ROBO2: variants seen among roughly 807,000 people sequenced by gnomAD.
ROBO2 encodes roundabout homolog 2.
ROBO2 carries 53 observed loss-of-function variants against 160.8 expected under a neutral mutation model. The observed-to-expected ratio is 0.33, with a 90% CI of 0.26 to 0.41. ROBO2 has a LOEUF of 0.41. Among genes scored for constraint, ROBO2 ranks in the 10% least tolerant of loss-of-function variants. ROBO2 has a pLI of 1.00. For missense variants in ROBO2, 1,577 were observed against 1,722.4 expected (o/e 0.92, Z 1.49); for synonymous variants, 664 against 611.7 (o/e 1.09, Z -1.26).
chr3:76,948,710 T>A (rs1269497687), intron 2 of ROBO2, among the ~76,000 whole-genome samples: 3 of 144,862 alleles, frequency 2.1e-5, no homozygotes, highest in Admixed American at 1.4e-4. Context: ...AATTATAATT[T>A]AATTTTTTTT....
At chr3:76,312,874 G>A (rs1046666969) in intron 2 of ROBO2, among the ~76,000 whole-genome samples, 7 of 152,172 alleles carry the variant, frequency 4.6e-5, no homozygotes, top group African/African-American at 1.7e-4. Flanking sequence ...ATTCAGAAAG[G>A]TTTATTTAAA....
intron 2 of ROBO2, among the ~76,000 whole-genome samples, chr3:77,125,215 A>G (rs2075201212): frequency 1.3e-5 from 2 of 152,272 alleles, no homozygotes; most frequent in South Asian, 4.1e-4. Context: ...CATATTAACT[A>G]TAATAGTTGT....
chr3:77,596,791 CTCTCTT>C (rs1559692117), intron 19 of ROBO2, 41 bp downstream of exon 20: 2 of 1,523,336 alleles, frequency 1.3e-6, no homozygotes, highest in Admixed American at 4.1e-5. Flanking sequence ...TGAGTTCTCT[CTCTCTT>C]TTTTTTTTTT....
At chr3:77,403,911 T>C (rs2076041836) in intron 2 of ROBO2, among the ~76,000 whole-genome samples, 2 of 152,010 alleles carry the variant, frequency 1.3e-5, no homozygotes, top group Admixed American at 6.6e-5. Flanking sequence ...CAAGCCTGAA[T>C]TGCTTGGAAT....
intron 2 of ROBO2, among the ~76,000 whole-genome samples, chr3:76,869,570 C>T (rs1316679305): frequency 1.3e-5 from 2 of 151,836 alleles, no homozygotes; most frequent in Admixed American, 6.6e-5. Flanking sequence ...AGGATGGTCT[C>T]GATCTCCTGA....
chr3:76,446,266 A>G (rs1339444106), intron 2 of ROBO2, among the ~76,000 whole-genome samples: 3 of 152,218 alleles, frequency 2.0e-5, no homozygotes, highest in Admixed American at 6.5e-5. Context: ...AGAGAGCCAA[A>G]TCATGGGTGA....
chr3:76,102,472 G>T (rs994133544), intron 2 of ROBO2, among the ~76,000 whole-genome samples: 1 of 152,086 alleles, frequency 6.6e-6, no homozygotes, highest in Admixed American at 6.6e-5. Flanking sequence ...GCTTGGTAGA[G>T]AATTATTATC....
chr3:76,674,446 T>G (rs1221331260), intron 2 of ROBO2, among the ~76,000 whole-genome samples: 1 of 152,048 alleles, frequency 6.6e-6, no homozygotes, highest in African/African-American at 2.4e-5. Flanking sequence ...TCTTCATCAT[T>G]GGCTGTCATG....
At chr3:76,056,464 A>G (rs1011408370) in intron 2 of ROBO2, among the ~76,000 whole-genome samples, 8 of 152,214 alleles carry the variant, frequency 5.3e-5, no homozygotes, top group African/African-American at 1.9e-4. Flanking sequence ...GGTTGTATTT[A>G]ATTTTAACTA....
chr3:77,083,599 C>T (rs1028299238), intron 1 of ROBO2, among the ~76,000 whole-genome samples: 1 of 151,946 alleles, frequency 6.6e-6, no homozygotes, highest in African/African-American at 2.4e-5. Context: ...GAAATTATGT[C>T]GAGAGACACA....
At chr3:76,609,148 T>G (rs1304347920) in intron 2 of ROBO2, among the ~76,000 whole-genome samples, 2 of 152,228 alleles carry the variant, frequency 1.3e-5, no homozygotes, top group Non-Finnish European at 2.9e-5. Context: ...CTTGGCACCT[T>G]TGTTGAAAAT....
chr3:76,266,697 A>T (rs1707120522), intron 2 of ROBO2, among the ~76,000 whole-genome samples: 1 of 152,154 alleles, frequency 6.6e-6, no homozygotes, highest in Non-Finnish European at 1.5e-5. Flanking sequence ...TCTCATTATG[A>T]CAGTGGGGCT....
intron 2 of ROBO2, among the ~76,000 whole-genome samples, chr3:76,336,320 T>C (rs1448218940): frequency 2.6e-5 from 4 of 152,250 alleles, no homozygotes; most frequent in African/African-American, 9.6e-5. Context: ...GACTTAGTCA[T>C]GCTACTCTAG....
At chr3:76,466,740 C>CT (rs943327891) in intron 2 of ROBO2, among the ~76,000 whole-genome samples, 5 of 151,932 alleles carry the variant, frequency 3.3e-5, no homozygotes, top group African/African-American at 1.2e-4. Context: ...ATTGCCAACA[C>CT]TGAATTTTGT....
chr3:77,345,291 G>C (rs1038203562), intron 2 of ROBO2, among the ~76,000 whole-genome samples: 2 of 152,036 alleles, frequency 1.3e-5, no homozygotes, highest in Non-Finnish European at 2.9e-5. Flanking sequence ...TATGGTGTCT[G>C]GCTTTTTCTG....
At chr3:77,078,192 A>G (rs1318805779) in intron 1 of ROBO2, among the ~76,000 whole-genome samples, 1 of 152,196 alleles carries the variant, frequency 6.6e-6, no homozygotes, top group Non-Finnish European at 1.5e-5. Flanking sequence ...GGAAAATATC[A>G]TTGAGAAAAT....
intron 2 of ROBO2, among the ~76,000 whole-genome samples, chr3:76,378,483 G>A (rs1414685298): frequency 1.3e-5 from 2 of 152,112 alleles, no homozygotes; most frequent in Non-Finnish European, 2.9e-5. Flanking sequence ...CGACGAGTAG[G>A]AGATCAAGTA....
intron 2 of ROBO2, among the ~76,000 whole-genome samples, chr3:77,031,168 T>G (rs1258632322): frequency 1.3e-5 from 2 of 152,144 alleles, no homozygotes; most frequent in Non-Finnish European, 2.9e-5. Context: ...CCTTTTCATT[T>G]GTTTGGAAAA....
intron 2 of ROBO2, among the ~76,000 whole-genome samples, chr3:76,721,626 A>G (rs958536177): frequency 4.6e-5 from 7 of 152,216 alleles, no homozygotes; most frequent in Admixed American, 2.0e-4. Context: ...GTGACTGTCT[A>G]AAGTTAGTTG....
Sources: gnomAD v4.1 joint callset for allele counts (sites outside exome capture counted in the v4.1 genomes callset) on GRCh38, gnomAD v4.1.1 for gene constraint, MANE v1.5 for transcripts, NCBI Gene and HGNC (gene_info 2026-07-23, HGNC 2026-07-21) for gene names.